The following ZFPM2 variants were observed in gnomAD, a reference collection of about 807,000 sequenced individuals.
ZFPM2 encodes zinc finger protein, FOG family member 2.
ZFPM2 carries 20 observed loss-of-function variants against 98.6 expected under a neutral mutation model. The observed-to-expected ratio is 0.20, with a 90% CI of 0.14 to 0.29. The LOEUF is 0.29. ZFPM2 is among the 10% of genes least tolerant of loss of function. ZFPM2 has a pLI of 1.00. For synonymous variants in ZFPM2, 518 were observed against 502.7 expected (o/e 1.03, Z -0.41); for missense variants, 1,310 against 1,388.6 (o/e 0.94, Z 0.90).
Position 105,693,596 on chromosome 8 carries a change from A to G in ZFPM2, c.532+59239A>G, listed in dbSNP as rs1033389412. Among the ~76,000 whole-genome samples the G allele has an allele frequency of 5.3e-5, 8 of 152,300 alleles. 1 individual carries two copies. Among genetic ancestry groups the G allele is most frequent in the South Asian group, 4.1e-4 (2 of 4,832 alleles). ...AATATTTCAAAATCAAGAATATACT[A>G]TATGTGCTCATCATAAATCTAATTT... is the stretch of plus-strand genomic sequence containing the variant. On this transcript the variant is annotated intron_variant, in intron 5 of 7. Coordinates refer to ENST00000407775, the MANE Select transcript of ZFPM2 (RefSeq NM_012082.4).
At chr8:105,551,375 G>T (rs1814849150) in intron 3 of ZFPM2, among the ~76,000 whole-genome samples, 1 of 151,888 alleles carries the variant, frequency 6.6e-6, no homozygotes, top group South Asian at 2.1e-4. Flanking sequence ...TATATTCATT[G>T]GTTATATGTT....
rs1471131531 is a variant in ZFPM2, at chr8:105,318,466, C to G, written c.-476C>G. Among the ~76,000 whole-genome samples, 1 of 151,100 alleles carries G rather than the reference C, an allele frequency of 6.6e-6. No individual in the cohort carries two copies. Among genetic ancestry groups the G allele is most frequent in the Non-Finnish European group, 1.5e-5 (1 of 67,646 alleles). ...ACAGGAGCTGCGCGGCCCGGAGCGG[C>G]GGCGGCGGCGCCGGAGTATCCGTCC... On this transcript the variant is annotated 5_prime_UTR_variant, in exon 1 of 8. Coordinates refer to ENST00000407775, the MANE Select transcript of ZFPM2 (RefSeq NM_012082.4).
intron 3 of ZFPM2, among the ~76,000 whole-genome samples, chr8:105,467,125 G>T (rs1355704150): frequency 6.6e-6 from 1 of 152,006 alleles, no homozygotes; most frequent in Non-Finnish European, 1.5e-5. Context: ...TGTGAGAACT[G>T]CCCCTCACCT....
At chr8:105,379,631 T>C (rs558647687) in intron 1 of ZFPM2, among the ~76,000 whole-genome samples, 21 of 151,910 alleles carry the variant, frequency 1.4e-4, no homozygotes, top group African/African-American at 4.6e-4. Context: ...CGGATACCTG[T>C]AATCCCAGCT....
chr8:105,557,017 T>TC (rs1038883488), intron 3 of ZFPM2, among the ~76,000 whole-genome samples: 15 of 152,074 alleles, frequency 9.9e-5, no homozygotes, highest in Non-Finnish European at 1.5e-5. Context: ...AGCCACCATG[T>TC]CTGGCCTCTA....
At chr8:105,338,070 A>G (rs1410907214) in intron 1 of ZFPM2, among the ~76,000 whole-genome samples, 1 of 151,724 alleles carries the variant, frequency 6.6e-6, no homozygotes, top group Non-Finnish European at 1.5e-5. Flanking sequence ...AAAATGATTT[A>G]TTTACTTTTA....
At chr8:105,425,482 T>C (rs1322081584) in intron 2 of ZFPM2, among the ~76,000 whole-genome samples, 4 of 152,116 alleles carry the variant, frequency 2.6e-5, no homozygotes, top group Admixed American at 2.6e-4. Flanking sequence ...TTTGTTCCCT[T>C]CCATAATAGC....
At chr8:105,787,869 A>G (rs185130091) in intron 5 of ZFPM2, among the ~76,000 whole-genome samples, 2 of 152,370 alleles carry the variant, frequency 1.3e-5, no homozygotes, top group East Asian at 3.9e-4. Context: ...TGTTAAATAA[A>G]CGAGCATTCG....
At chr8:105,462,413 T>A (rs1486984377) in intron 3 of ZFPM2, among the ~76,000 whole-genome samples, 1 of 152,150 alleles carries the variant, frequency 6.6e-6, no homozygotes, top group Non-Finnish European at 1.5e-5. Flanking sequence ...CAAAGCTTCC[T>A]GTGCGAAGAA....
At chr8:105,322,857 C>G (rs1474686454) in intron 1 of ZFPM2, among the ~76,000 whole-genome samples, 2 of 152,022 alleles carry the variant, frequency 1.3e-5, no homozygotes, top group African/African-American at 4.8e-5. Flanking sequence ...GAATAATTAC[C>G]ATTTTGTTAT....
intron 1 of ZFPM2, among the ~76,000 whole-genome samples, chr8:105,335,173 T>C (rs1441363114): frequency 6.6e-6 from 1 of 151,688 alleles, no homozygotes; most frequent in East Asian, 1.9e-4. Flanking sequence ...CGAAAACAAA[T>C]GAAATATTTG....
At position 105,755,577 on chromosome 8, in the gene ZFPM2, A is replaced by G. The variant is rs1812579289; in HGVS notation, c.533-33141A>G. Among the ~76,000 whole-genome samples, 3 of 152,250 alleles carry G rather than the reference A, an allele frequency of 2.0e-5. No individual in the cohort carries two copies. The South Asian group carries it at 6.2e-4, about 32-fold the overall frequency. ...GAAGTGTGTTGGGTAGAAGAGGCTTAATCTTTATAGGAAGAACAATTTCAA... is the reference window on the plus strand; with the variant it reads ...GAAGTGTGTTGGGTAGAAGAGGCTTGATCTTTATAGGAAGAACAATTTCAA... On this transcript the variant is annotated intron_variant, in intron 5 of 7. Coordinates refer to ENST00000407775, the MANE Select transcript of ZFPM2 (RefSeq NM_012082.4).
At chr8:105,456,315 A>T (rs763483892) in intron 3 of ZFPM2, among the ~76,000 whole-genome samples, 15 of 152,012 alleles carry the variant, frequency 9.9e-5, no homozygotes, top group Non-Finnish European at 2.1e-4. Context: ...GGTGGCAGAA[A>T]CCAGACTGTG....
intron 5 of ZFPM2, among the ~76,000 whole-genome samples, chr8:105,731,741 G>A (rs552501450): frequency 6.6e-6 from 1 of 151,788 alleles, no homozygotes; most frequent in Non-Finnish European, 1.5e-5. Flanking sequence ...TTTTCAGAAT[G>A]TATTGTAATT....
At chr8:105,512,940 A>G (rs1813847024) in intron 3 of ZFPM2, among the ~76,000 whole-genome samples, 2 of 152,108 alleles carry the variant, frequency 1.3e-5, no homozygotes, top group Admixed American at 6.5e-5. Flanking sequence ...TTAAATGTAG[A>G]AATAGCTTCA....
At chr8:105,685,571 G>T (rs1810713814) in intron 5 of ZFPM2, among the ~76,000 whole-genome samples, 1 of 151,778 alleles carries the variant, frequency 6.6e-6, no homozygotes, top group Admixed American at 6.6e-5. Context: ...GAACAAATTT[G>T]ACTTTTTTTT....
At chr8:105,469,075 C>G (rs908521334) in intron 3 of ZFPM2, among the ~76,000 whole-genome samples, 1 of 152,068 alleles carries the variant, frequency 6.6e-6, no homozygotes, top group African/African-American at 2.4e-5. Flanking sequence ...CTCTTCAGAG[C>G]ACACAAATCT....
chr8:105,396,184 G>T (rs1473855615), intron 1 of ZFPM2, among the ~76,000 whole-genome samples: 2 of 152,128 alleles, frequency 1.3e-5, no homozygotes, highest in African/African-American at 4.8e-5. Flanking sequence ...AACAAAGAAG[G>T]AACAAAAGAC....
chr8:105,657,129 A>G (rs1265186254), intron 5 of ZFPM2, among the ~76,000 whole-genome samples: 1 of 151,964 alleles, frequency 6.6e-6, no homozygotes, highest in African/African-American at 2.4e-5. Context: ...CTTGCTATTA[A>G]TGCTTTTCTA....
Sources: gnomAD v4.1 joint callset for allele counts (sites outside exome capture counted in the v4.1 genomes callset) on GRCh38, gnomAD v4.1.1 for gene constraint, MANE v1.5 for transcripts, NCBI Gene and HGNC (gene_info 2026-07-23, HGNC 2026-07-21) for gene names.